The following NKAIN2 variants were observed in gnomAD, a reference collection of about 807,000 sequenced individuals.
NKAIN2 encodes the protein sodium/potassium-transporting ATPase subunit beta-1-interacting protein 2.
NKAIN2 carries 14 observed loss-of-function variants against 32.6 expected under a neutral mutation model. The observed-to-expected ratio is 0.43, with a 90% CI of 0.28 to 0.67. The LOEUF (loss-of-function observed/expected upper bound fraction) is 0.67, where lower values mean the gene tolerates loss of function less well. Ranked by LOEUF, NKAIN2 falls within the 30% of genes least tolerant of loss-of-function variation. The pLI is 0.17. For synonymous variants in NKAIN2, 80 were observed against 87.2 expected (o/e 0.92, Z 0.46); for missense variants, 198 against 258.3 (o/e 0.77, Z 1.60).
chr6:124,346,172 A>G (rs551771432), intron 2 of NKAIN2, among the ~76,000 whole-genome samples: 1 of 152,160 alleles, frequency 6.6e-6, no homozygotes, highest in Non-Finnish European at 1.5e-5. Flanking sequence ...CCTGAGTTCT[A>G]GTTTGATTGC....
chr6:124,534,709 G>T (rs1026222646), intron 3 of NKAIN2, among the ~76,000 whole-genome samples: 1 of 152,004 alleles, frequency 6.6e-6, no homozygotes, highest in African/African-American at 2.4e-5. Context: ...TCCTTAGCTT[G>T]TTTCATTTGG....
intron 1 of NKAIN2, among the ~76,000 whole-genome samples, chr6:124,149,662 A>C (rs1787599572): frequency 6.6e-6 from 1 of 152,208 alleles, no homozygotes; most frequent in Non-Finnish European, 1.5e-5. Flanking sequence ...TACCAGTACC[A>C]CATGATTGTA....
At chr6:124,809,129 A>C (rs1162310365) in intron 5 of NKAIN2, among the ~76,000 whole-genome samples, 3 of 152,138 alleles carry the variant, frequency 2.0e-5, no homozygotes, top group African/African-American at 4.8e-5. Flanking sequence ...TTGGAAAAAA[A>C]TACTTTAAAG....
intron 3 of NKAIN2, among the ~76,000 whole-genome samples, chr6:124,363,944 A>G (rs1399630802): frequency 6.6e-6 from 1 of 152,162 alleles, no homozygotes; most frequent in Admixed American, 6.5e-5. Context: ...TGATTCAGAT[A>G]TTTTAATTAT....
At chr6:124,591,689 G>GGTAATACA (rs1427065103) in intron 3 of NKAIN2, among the ~76,000 whole-genome samples, 1 of 152,038 alleles carries the variant, frequency 6.6e-6, no homozygotes, top group Non-Finnish European at 1.5e-5. Context: ...GAACCAGTAA[G>GGTAATACA]GTAATACATA....
At chr6:124,624,377 T>C (rs1783223346) in intron 3 of NKAIN2, among the ~76,000 whole-genome samples, 1 of 152,162 alleles carries the variant, frequency 6.6e-6, no homozygotes, top group South Asian at 2.1e-4. Flanking sequence ...CTCCATCAGG[T>C]TCTGCTATTT....
chr6:124,466,201 T>C (rs1375556986), intron 3 of NKAIN2, among the ~76,000 whole-genome samples: 1 of 152,058 alleles, frequency 6.6e-6, no homozygotes, highest in African/African-American at 2.4e-5. Context: ...TAAGTTCTTC[T>C]CCAAGTTTTA....
intron 3 of NKAIN2, among the ~76,000 whole-genome samples, chr6:124,360,300 G>A (rs1562513420): frequency 6.6e-6 from 1 of 152,124 alleles, no homozygotes; most frequent in Admixed American, 6.5e-5. Flanking sequence ...ATGAGTTCTG[G>A]AGGATTCCCT....
chr6:123,904,513 A>G (rs1210278861), intron 1 of NKAIN2, among the ~76,000 whole-genome samples: 4 of 152,218 alleles, frequency 2.6e-5, no homozygotes, highest in African/African-American at 9.6e-5. Flanking sequence ...TTACCCTCTC[A>G]GACTTTTGCA....
intron 2 of NKAIN2, among the ~76,000 whole-genome samples, chr6:124,323,783 T>C (rs1015946041): frequency 1.4e-5 from 2 of 146,434 alleles, no homozygotes; most frequent in East Asian, 1.9e-4. Flanking sequence ...TTTAATTTTT[T>C]CTTTTTTTTT....
At chr6:124,076,592 A>G (rs1783709189) in intron 1 of NKAIN2, among the ~76,000 whole-genome samples, 1 of 152,208 alleles carries the variant, frequency 6.6e-6, no homozygotes, top group Admixed American at 6.5e-5. Flanking sequence ...AAAACAGATC[A>G]TTGATTCCAG....
intron 3 of NKAIN2, among the ~76,000 whole-genome samples, chr6:124,641,530 C>CT (rs755033671): frequency 0.02 from 398 of 19,518 alleles, 179 homozygotes; most frequent in Non-Finnish European, 0.03. Context: ...AAAACACTAG[C>CT]TTTTTTTTTT....
chr6:124,665,161 A>T (rs910319791), intron 4 of NKAIN2, among the ~76,000 whole-genome samples: 1 of 152,212 alleles, frequency 6.6e-6, no homozygotes, highest in East Asian at 1.9e-4. Flanking sequence ...TAGAAAAAAA[A>T]ATCCTACAAT....
chr6:124,096,314 A>G (rs1402670860), intron 1 of NKAIN2, among the ~76,000 whole-genome samples: 1 of 152,096 alleles, frequency 6.6e-6, no homozygotes, highest in African/African-American at 2.4e-5. Flanking sequence ...CCCATGGCCT[A>G]CTTGAAAAAA....
At chr6:124,170,068 T>A (rs1357294433) in intron 1 of NKAIN2, among the ~76,000 whole-genome samples, 3 of 152,286 alleles carry the variant, frequency 2.0e-5, no homozygotes, top group East Asian at 3.9e-4. Flanking sequence ...CAAACCATTT[T>A]CTGAGTTCAG....
At chr6:123,819,311 T>A (rs1362520495) in intron 1 of NKAIN2, among the ~76,000 whole-genome samples, 1 of 152,056 alleles carries the variant, frequency 6.6e-6, no homozygotes, top group Non-Finnish European at 1.5e-5. Context: ...TTGAAGCCAA[T>A]GGAAGTTTAG....
At chr6:124,076,910 A>C (rs1231090735) in intron 1 of NKAIN2, among the ~76,000 whole-genome samples, 2 of 152,208 alleles carry the variant, frequency 1.3e-5, no homozygotes, top group African/African-American at 2.4e-5. Flanking sequence ...GGGCAATTAT[A>C]AACACTGTCT....
chr6:123,988,747 AT>A (rs1328435666), intron 1 of NKAIN2, among the ~76,000 whole-genome samples: 1 of 152,218 alleles, frequency 6.6e-6, no homozygotes, highest in Non-Finnish European at 1.5e-5. Flanking sequence ...GTTGCTAATA[AT>A]ACAGTGTCTT....
intron 4 of NKAIN2, among the ~76,000 whole-genome samples, chr6:124,685,304 TA>T (rs1773816067): frequency 6.6e-6 from 1 of 152,168 alleles, no homozygotes; most frequent in African/African-American, 2.4e-5. Flanking sequence ...TACTTTAAAC[TA>T]AAAAGGCAGA....
Sources: allele counts gnomAD v4.1 joint callset (sites outside exome capture counted in the v4.1 genomes callset), GRCh38; gene constraint gnomAD v4.1.1; transcripts MANE v1.5; gene names NCBI Gene and HGNC (gene_info 2026-07-23, HGNC 2026-07-21).